Variants in UBAP2L observed in about 807,000 individuals in gnomAD.
The protein encoded by UBAP2L is ubiquitin-associated protein 2-like.
Under a neutral mutation model 130.6 loss-of-function variants are expected in UBAP2L, and 12 were observed. The ratio of observed to expected loss-of-function variants is 0.09; its 90% CI spans 0.06 to 0.15. The LOEUF is 0.15. Ranked by LOEUF, UBAP2L falls within the 10% of genes least tolerant of loss-of-function variation. UBAP2L has a pLI of 1.00. For missense variants in UBAP2L, 965 were observed against 1,332.5 expected (o/e 0.72, Z 4.29); for synonymous variants, 503 against 524.7 (o/e 0.96, Z 0.57).
intron 8 of UBAP2L, among the ~76,000 whole-genome samples, chr1:154,238,969 G>T (rs935420183): frequency 6.6e-6 from 1 of 152,032 alleles, no homozygotes; most frequent in African/African-American, 2.4e-5. Flanking sequence ...TCAAACTCCT[G>T]ACCTCAAGTG....
intron 24 of UBAP2L, among the ~76,000 whole-genome samples, chr1:154,262,872 T>A (rs2149044928): frequency 6.6e-6 from 1 of 152,244 alleles, no homozygotes; most frequent in East Asian, 1.9e-4. Context: ...GTGGCCCCTT[T>A]CTGAGGACAT....
chr1:154,249,289 C>T lies in UBAP2L; in HGVS notation c.1065C>T (p.Gly355=). 6.2e-7 allele frequency: 1 copy of T among 1,614,130 alleles called. No individual in the cohort carries two copies. Among genetic ancestry groups the T allele is most frequent in the South Asian group, 1.1e-5 (1 of 91,082 alleles). Reference sequence around the variant, plus strand: ...GTGATGTCGGTGAAGCTAAAGGCGGCAGTACTACAGGCTCCCAGTTCTTGG... The same window carrying T: ...GTGATGTCGGTGAAGCTAAAGGCGGTAGTACTACAGGCTCCCAGTTCTTGG... ...GFGDVGEAKG[G]STTGSQFLEQ... Residue 355 remains glycine, a synonymous_variant, in exon 12 of 27, where the codon GGC becomes GGT. Transcript: ENST00000428931.
chr1:154,222,491 T>G (rs1666587607), intron 1 of UBAP2L, among the ~76,000 whole-genome samples: 1 of 152,222 alleles, frequency 6.6e-6, no homozygotes, highest in African/African-American at 2.4e-5. Flanking sequence ...GCACATAAAC[T>G]AGTGATGAAA....
intron 6 of UBAP2L, among the ~76,000 whole-genome samples, chr1:154,235,650 C>G (rs979157781): frequency 4.6e-5 from 7 of 152,208 alleles, no homozygotes; most frequent in African/African-American, 1.7e-4. Context: ...GCTGGGATTA[C>G]AAGCGTGCGT....
downstream of UBAP2L, chr1:154,270,904 C>G: frequency 1.3e-6 from 2 of 1,550,024 alleles, no homozygotes; most frequent in Non-Finnish European, 1.7e-6. Flanking sequence ...TCGTCGATGA[C>G]CAGCTTGGTG....
chr1:154,255,861 A>C, intron 18 of UBAP2L, 106 bp downstream of exon 18: 2 of 1,350,266 alleles, frequency 1.5e-6, no homozygotes, highest in African/African-American at 2.9e-5. Context: ...ATGAGGTGGC[A>C]AAATAATTGA....
chr1:154,249,521 G>A (rs1676774321), intron 12 of UBAP2L, 84 bp downstream of exon 12: 7 of 1,530,212 alleles, frequency 4.6e-6, no homozygotes, highest in South Asian at 1.2e-5. Flanking sequence ...GGTGGAGAAT[G>A]TGTCCTGAAG....
In UBAP2L at chr1:154,251,561, G is replaced by A. The variant is rs370903964; in HGVS notation, c.1572G>A (p.Gly524=). The A allele has an allele frequency of 2.5e-6, 4 of 1,613,930 alleles. No individual in the cohort carries two copies. The highest frequency in any genetic ancestry group is 1.3e-5 in the African/African-American group (1 of 74,864). The change falls in exon 14 of 27, where the codon GGG becomes GGA. Residue 524 remains glycine (G), a synonymous_variant. Coordinates refer to ENST00000428931, the MANE Select transcript of UBAP2L (RefSeq NM_014847.4). ...LNLQFGALQF[G]SEPVLSDYES... ...TGCAGTTTGGGGCATTGCAGTTTGG[G>A]TCAGAGCCTGTCCTTTCTGATTATG...
At chr1:154,236,675 ACCAAAATG>A (rs1671794529) in intron 7 of UBAP2L, 64 bp downstream of exon 7, 3 of 1,555,916 alleles carry the variant, frequency 1.9e-6, no homozygotes, top group Non-Finnish European at 2.7e-6. Flanking sequence ...GGCAGCCTTA[ACCAAAATG>A]ATCAGAATGA....
intron 1 of UBAP2L, 172 bp downstream of exon 1, chr1:154,221,147 G>A (rs1434446863): frequency 6.7e-6 from 1 of 149,308 alleles, no homozygotes; most frequent in African/African-American, 2.5e-5. Flanking sequence ...CACACCGTGT[G>A]TTCCCCCACT....
At chr1:154,230,549 A>G (rs1669505692) in intron 4 of UBAP2L, among the ~76,000 whole-genome samples, 1 of 152,182 alleles carries the variant, frequency 6.6e-6, no homozygotes, top group African/African-American at 2.4e-5. Context: ...TTACTCTAGA[A>G]TAATTGTCTC....
rs1178580298 is a variant in UBAP2L at position 154,238,428 on chromosome 1, TC to T, written c.703+1294del. 4.6e-5 allele frequency among the ~76,000 whole-genome samples: 7 copies of T among 152,216 alleles called. No homozygotes were observed. The South Asian group carries it at 6.2e-4, about 14-fold the overall frequency. On this transcript the variant is annotated intron_variant, in intron 8 of 26. Coordinates refer to ENST00000428931, the MANE Select transcript of UBAP2L (RefSeq NM_014847.4). ...TTACTGTTTTTGAGCTGTAGCTTAT[TC>T]CTGGGTATTTGGCTTTTTATCTTTG...
chr1:154,245,264 A>G lies in UBAP2L; in HGVS notation c.843-940A>G, dbSNP rs763997496. On this transcript the variant is annotated intron_variant, in intron 10 of 26. Coordinates refer to ENST00000428931, the MANE Select transcript of UBAP2L (RefSeq NM_014847.4). Reference sequence around the variant, plus strand: ...AGTGACCAACCCTCATCCTGAAACTATCTGGGGCCCCACCCTGGGCTACCT... The same window carrying G: ...AGTGACCAACCCTCATCCTGAAACTGTCTGGGGCCCCACCCTGGGCTACCT... 3.3e-5 allele frequency among the ~76,000 whole-genome samples: 5 copies of G among 152,258 alleles called. No homozygotes were observed. In the East Asian group the frequency reaches 9.7e-4, roughly 29 times the overall value.
Position 154,249,319 on chromosome 1 carries a change from A to G in UBAP2L, c.1095A>G (p.Gln365=), listed in dbSNP as rs1308109847. ...GSTTGSQFLE[Q]FKTAQALAQL... ...CTACAGGCTCCCAGTTCTTGGAGCAATTCAAGACTGCCCAAGCCCTGGCTC... is the reference window on the plus strand; with the variant it reads ...CTACAGGCTCCCAGTTCTTGGAGCAGTTCAAGACTGCCCAAGCCCTGGCTC... Residue 365 remains glutamine (Q), a synonymous_variant, in exon 12 of 27, where the codon CAA becomes CAG. Coordinates refer to ENST00000428931, the MANE Select transcript of UBAP2L (RefSeq NM_014847.4). 1.2e-6 allele frequency: 2 copies of G among 1,614,020 alleles called. No homozygotes were observed. Among genetic ancestry groups the G allele is most frequent in the South Asian group, 1.1e-5 (1 of 91,088 alleles).
upstream of UBAP2L, chr1:154,220,416 T>G: frequency 6.2e-7 from 1 of 1,614,166 alleles, no homozygotes; most frequent in Non-Finnish European, 8.5e-7. Context: ...ATGGCCTCCC[T>G]ACCTCGCGCA....
chr1:154,269,009 A>C, intron 26 of UBAP2L, 55 bp downstream of exon 26: 1 of 1,591,006 alleles, frequency 6.3e-7, no homozygotes, highest in Non-Finnish European at 8.6e-7. Context: ...TATCCCTTAA[A>C]ACTGCCTTCC....
intron 26 of UBAP2L, 46 bp downstream of exon 26, chr1:154,269,000 A>G (rs188508982): frequency 1.4e-4 from 222 of 1,600,194 alleles, no homozygotes; most frequent in East Asian, 1.3e-4. Flanking sequence ...CTTCCTTCCT[A>G]TCCCTTAAAA....
At chr1:154,220,471 C>T (rs1007565566), upstream of UBAP2L, 5 of 1,602,236 alleles carry the variant, frequency 3.1e-6, no homozygotes, top group Non-Finnish European at 4.3e-6. Flanking sequence ...TCAGCCCAGG[C>T]TCCGCCGAAG....
intron 22 of UBAP2L, 88 bp downstream of exon 22, chr1:154,260,117 G>A (rs1681041599): frequency 7.3e-7 from 1 of 1,365,734 alleles, no homozygotes; most frequent in South Asian, 1.2e-5. Context: ...GAAGGGATGT[G>A]ATAAATCAGG....
Sources: gnomAD v4.1 joint callset for allele counts (sites outside exome capture counted in the v4.1 genomes callset) on GRCh38, gnomAD v4.1.1 for gene constraint, MANE v1.5 for transcripts, NCBI Gene and HGNC (gene_info 2026-07-23, HGNC 2026-07-21) for gene names.